The following MMAA variants were observed in gnomAD, a reference collection of about 807,000 sequenced individuals.
MMAA encodes the protein metabolism of cobalamin associated A, also known as methylmalonic aciduria type A protein, mitochondrial.
MMAA carries 41 observed loss-of-function variants against 45.0 expected under a neutral mutation model. The observed-to-expected ratio is 0.91, with a 90% CI of 0.71 to 1.18. The LOEUF (loss-of-function observed/expected upper bound fraction) is 1.18. Ranked by LOEUF, MMAA falls within the 50% of genes most tolerant of loss-of-function variation. The probability of loss-of-function intolerance (pLI) is 0.00; values close to 1 mark genes in which losing one functional copy is unlikely to be tolerated. For missense variants in MMAA, 460 were observed against 495.7 expected (o/e 0.93, Z 0.68); for synonymous variants, 154 against 178.2 (o/e 0.86, Z 1.08).
At chr4:145,622,155 G>A (rs1398470013) in intron 1 of MMAA, among the ~76,000 whole-genome samples, 1 of 152,198 alleles carries the variant, frequency 6.6e-6, no homozygotes, top group Non-Finnish European at 1.5e-5. Context: ...GGAGCCTGGT[G>A]AGAGGTGATT....
At chr4:145,629,919 G>A (rs372433542) in intron 1 of MMAA, among the ~76,000 whole-genome samples, 70 of 152,208 alleles carry the variant, frequency 4.6e-4, no homozygotes, top group African/African-American at 1.7e-3. Flanking sequence ...GAGCTACAAG[G>A]TGAGATTTGG....
intron 3 of MMAA, among the ~76,000 whole-genome samples, chr4:145,644,274 T>G (rs1187264367): frequency 6.6e-6 from 1 of 152,224 alleles, no homozygotes; most frequent in Non-Finnish European, 1.5e-5. Flanking sequence ...GCAGATTGTT[T>G]ACTTACACAG....
chr4:145,631,999 TGTA>T (rs1229218401), intron 1 of MMAA, among the ~76,000 whole-genome samples: 1 of 152,224 alleles, frequency 6.6e-6, no homozygotes, highest in African/African-American at 2.4e-5. Flanking sequence ...GAAAAGTTAT[TGTA>T]GTTATTTTTG....
intron 6 of MMAA, among the ~76,000 whole-genome samples, 164 bp from the exon 7 acceptor site, chr4:145,654,983 A>G (rs1471588456): frequency 6.6e-6 from 1 of 152,208 alleles, no homozygotes; most frequent in East Asian, 1.9e-4. Context: ...ATATTACCTC[A>G]GAATATATAT....
At chr4:145,640,739 T>G (rs1345078545) in intron 2 of MMAA, among the ~76,000 whole-genome samples, 3 of 152,216 alleles carry the variant, frequency 2.0e-5, no homozygotes, top group Non-Finnish European at 4.4e-5. Flanking sequence ...ACAATTTGAC[T>G]TGGTTCTGAA....
At chr4:145,630,741 T>C (rs928303635) in intron 1 of MMAA, among the ~76,000 whole-genome samples, 4 of 152,078 alleles carry the variant, frequency 2.6e-5, no homozygotes, top group Admixed American at 6.6e-5. Flanking sequence ...AAAAAAAAGA[T>C]GCATTGTTTA....
intron 2 of MMAA, among the ~76,000 whole-genome samples, chr4:145,640,459 A>T (rs1727752388): frequency 6.6e-6 from 1 of 152,204 alleles, no homozygotes; most frequent in East Asian, 1.9e-4. Flanking sequence ...AGTGGTGATC[A>T]TAGCTCTGAC....
rs1318694663 is a variant in MMAA, at chr4:145,657,087, T to C, written c.*1653T>C. ...AGGGAATAACAAATCTCCTGCCACA[T>C]GTGGCACAGTGTAAGTAATGCTGGA... On this transcript the variant is annotated 3_prime_UTR_variant, in exon 7 of 7. Coordinates refer to ENST00000649156, the MANE Select transcript of MMAA (RefSeq NM_172250.3). 1.3e-5 allele frequency: 2 copies of C among 152,220 alleles called. No individual in the cohort carries two copies. The highest frequency in any genetic ancestry group is 3.9e-4 in the East Asian group (2 of 5,194). The allele number at this position is 152,220 out of a possible 1,614,324, so 9.4% of individuals were successfully genotyped here.
chr4:145,651,114 A>G lies in MMAA; in HGVS notation c.786A>G (p.Leu262=), dbSNP rs773833728. 3.1e-6 allele frequency: 5 copies of G among 1,614,106 alleles called. No homozygotes were observed. In the South Asian group the frequency reaches 5.5e-5, roughly 18 times the overall value. ...AVADMVDMFV[L]LLPPAGGDEL... ...CTGACATGGTTGACATGTTTGTTTT[A>G]CTACTGCCACCAGCAGGAGGAGATG... Residue 262 remains leucine, a synonymous_variant, in exon 5 of 7, where the codon TTA becomes TTG. Transcript: ENST00000649156.
intron 4 of MMAA, 26 bp downstream of exon 4, chr4:145,646,182 C>G: frequency 6.2e-7 from 1 of 1,611,652 alleles, no homozygotes; most frequent in Non-Finnish European, 8.5e-7. Flanking sequence ...TATTTCATAA[C>G]AATGTACTAT....
intron 2 of MMAA, 68 bp from the exon 3 acceptor site, chr4:145,642,295 T>C (rs942556571): frequency 1.3e-6 from 2 of 1,547,810 alleles, no homozygotes; most frequent in Admixed American, 1.7e-5. Flanking sequence ...AATATTTTAC[T>C]CAGTAAAACT....
In MMAA at chr4:145,655,887, T is replaced by C. The variant is rs1411269264; in HGVS notation, c.*453T>C. ...AAGAGCCGACAATCATAATTGACAT[T>C]TAGTGTACCAGATTATTCTAAGAAT... On this transcript the variant is annotated 3_prime_UTR_variant, in exon 7 of 7. Transcript: ENST00000649156. 2 of 154,086 alleles carry C rather than the reference T, an allele frequency of 1.3e-5. No individual in the cohort carries two copies. Among genetic ancestry groups the C allele is most frequent in the African/African-American group, 4.8e-5 (2 of 41,434 alleles). The allele number at this position is 154,086 out of a possible 1,614,324, so 9.5% of individuals were successfully genotyped here. A position where few individuals can be genotyped will look rare whatever the true frequency, so the allele number is the denominator to read the frequency against.
intron 1 of MMAA, 135 bp from the exon 2 acceptor site, chr4:145,638,938 CTT>C: frequency 1.7e-6 from 1 of 598,400 alleles, no homozygotes; most frequent in South Asian, 2.1e-5. Flanking sequence ...AGTAAGAAAA[CTT>C]TCACCCATTT....
chr4:145,632,942 G>T (rs1727498260), intron 1 of MMAA, among the ~76,000 whole-genome samples: 1 of 151,412 alleles, frequency 6.6e-6, no homozygotes, highest in South Asian at 2.1e-4. Flanking sequence ...GTAGAAATGG[G>T]GTTTTGCCAT....
rs986422743 is a variant in MMAA at position 145,656,827 on chromosome 4, C to G, written c.*1393C>G. On this transcript the variant is annotated 3_prime_UTR_variant, in exon 7 of 7. Transcript: ENST00000649156. ...GCATTGTTACTTACTGTACTGGAAT[C>G]AAACCTCTTGAGCATTATTTTAACA... 11 of 152,170 alleles carry G rather than the reference C, an allele frequency of 7.2e-5. No homozygotes were observed. The highest frequency in any genetic ancestry group is 2.7e-4 in the African/African-American group (11 of 41,448). 9.4% of individuals were successfully genotyped at this position (152,170 alleles called of 1,614,324 possible).
At chr4:145,629,688 G>A (rs1032164697) in intron 1 of MMAA, among the ~76,000 whole-genome samples, 3 of 152,174 alleles carry the variant, frequency 2.0e-5, no homozygotes, top group Admixed American at 2.0e-4. Context: ...CCACATGGCT[G>A]GGGAGGCTTC....
chr4:145,631,226 G>A (rs924770992), intron 1 of MMAA, among the ~76,000 whole-genome samples: 15 of 152,206 alleles, frequency 9.9e-5, no homozygotes, highest in African/African-American at 3.4e-4. Flanking sequence ...TGGAAGATAT[G>A]TCCAATACTG....
intron 1 of MMAA, chr4:145,624,767 A>G: frequency 2.5e-6 from 4 of 1,598,740 alleles, no homozygotes; most frequent in Non-Finnish European, 3.4e-6. Context: ...AATTCTCATC[A>G]TACACGCACT....
intron 1 of MMAA, among the ~76,000 whole-genome samples, chr4:145,633,930 G>A (rs1727532461): frequency 6.6e-6 from 1 of 152,210 alleles, no homozygotes; most frequent in Non-Finnish European, 1.5e-5. Context: ...ATCTCTGTCT[G>A]TTTTGAGCCA....
Sources: gnomAD v4.1 joint callset for allele counts (sites outside exome capture counted in the v4.1 genomes callset) on GRCh38, gnomAD v4.1.1 for gene constraint, MANE v1.5 for transcripts, NCBI Gene and HGNC (gene_info 2026-07-23, HGNC 2026-07-21) for gene names.